The following ITGB1BP2 variants were observed in gnomAD, a reference collection of about 807,000 sequenced individuals.
The protein encoded by ITGB1BP2 is integrin beta-1-binding protein 2.
Under a neutral mutation model 32.2 loss-of-function variants are expected in ITGB1BP2, and 27 were observed. The ratio of observed to expected loss-of-function variants is 0.84; its 90% CI spans 0.62 to 1.16. The LOEUF (loss-of-function observed/expected upper bound fraction) is 1.16, where lower values mean the gene tolerates loss of function less well. Among genes scored for constraint, ITGB1BP2 ranks in the 50% most tolerant of loss-of-function variants. ITGB1BP2 has a pLI of 0.00. For missense variants in ITGB1BP2, 250 were observed against 267.3 expected (o/e 0.94, Z 0.45); for synonymous variants, 105 against 94.7 (o/e 1.11, Z -0.63).
chrX:71,304,891 C>T, intron 10 of ITGB1BP2, 74 bp from the exon 11 acceptor site: 1 of 837,009 alleles, frequency 1.2e-6, no homozygotes, highest in Non-Finnish European at 1.7e-6. Context: ...TCATTTGTCA[C>T]CACTCCACCC....
rs376544356 is a variant in ITGB1BP2 at position 71,302,540 on chromosome X, C to T, written c.301C>T (p.Arg101Cys). Reference protein sequence around the residue: ...NVIPKSAETLRRERPKSELPL... With the variant: ...NVIPKSAETLCRERPKSELPL... ...GATTCCAAAGTCAGCAGAGACCTTG[C>T]GCCGGGAGAGGCCCAAGTAAAGAGG... The change falls in exon 4 of 11, where the codon CGC (arginine) becomes TGC (cysteine). Residue 101 changes from arginine (R) to cysteine (C), a missense_variant. Transcript: ENST00000373829. 10 of 1,205,149 alleles carry T rather than the reference C, an allele frequency of 8.3e-6. No homozygotes were observed. The highest frequency in any genetic ancestry group is 3.5e-5 in the African/African-American group (2 of 56,796).
Position 71,305,039 on chromosome X carries a change from A to G in ITGB1BP2, c.891A>G (p.Pro297=), listed in dbSNP as rs12855638. ...AAATCTCCCTGGTCAAGGCTGACCC[A>G]GGATCCTGGGCCCAGCTGGAGCACC... The part of the protein sequence containing the change: ...RVEISLVKAD[P]GSWAQLEHPD... The change falls in exon 11 of 11, where the codon CCA becomes CCG. Residue 297 remains proline (P), a synonymous_variant. Coordinates refer to ENST00000373829, the MANE Select transcript of ITGB1BP2 (RefSeq NM_012278.4). 1 of 1,209,612 alleles carries G rather than the reference A, an allele frequency of 8.3e-7. No homozygotes were observed. The highest frequency in any genetic ancestry group is 2.2e-5 in the Admixed American group (1 of 45,585).
chrX:71,305,146 T>C lies in ITGB1BP2; in HGVS notation c.998T>C (p.Leu333Pro). ...EEESDDSDDD[L>P]SWTEEEEEEE... ...GAATCTGACGATTCAGATGATGATC[T>C]GAGCTGGACAGAGGAGGAGGAAGAG... The change falls in exon 11 of 11, where the codon CTG becomes CCG. Residue 333 changes from leucine (L) to proline (P), a missense_variant. Leu to Pro is a moderately conservative substitution (Grantham distance 98). Coordinates refer to ENST00000373829, the MANE Select transcript of ITGB1BP2 (RefSeq NM_012278.4). 8.3e-7 allele frequency: 1 copy of C among 1,209,330 alleles called. No homozygotes were observed. Among genetic ancestry groups the C allele is most frequent in the African/African-American group, 1.7e-5 (1 of 57,776 alleles).
At chrX:71,302,675 G>C (rs2031635131) in intron 4 of ITGB1BP2, 119 bp downstream of exon 4, 1 of 800,726 alleles carries the variant, frequency 1.2e-6, no homozygotes, top group Admixed American at 3.8e-5. Context: ...CAGATGTCAG[G>C]GTTTGGATGG....
At chrX:71,304,830 G>A in intron 10 of ITGB1BP2, 135 bp from the exon 11 acceptor site, 1 of 498,823 alleles carries the variant, frequency 2.0e-6, no homozygotes, top group Non-Finnish European at 3.3e-6. Flanking sequence ...CTCCCTTATT[G>A]TCTTATTCCT....
At chrX:71,303,178 T>G (rs1445876549) in intron 4 of ITGB1BP2, 84 bp from the exon 5 acceptor site, 1 of 874,248 alleles carries the variant, frequency 1.1e-6, no homozygotes, top group Non-Finnish European at 1.6e-6. Flanking sequence ...CAGGCTTCTT[T>G]AATTCCATTA....
chrX:71,302,362 C>T, intron 3 of ITGB1BP2, 29 bp downstream of exon 3: 1 of 1,209,541 alleles, frequency 8.3e-7, no homozygotes, highest in Non-Finnish European at 1.1e-6. Flanking sequence ...TGGATTCTGC[C>T]CCCAATAGAA....
chrX:71,304,354 A>G (rs1334485804), intron 9 of ITGB1BP2, 54 bp downstream of exon 9: 12 of 970,947 alleles, frequency 1.2e-5, no homozygotes, highest in South Asian at 2.0e-5. Context: ...TGATACTACA[A>G]TCTCACAGGC....
intron 7 of ITGB1BP2, 43 bp from the exon 8 acceptor site, chrX:71,303,769 A>C: frequency 8.5e-7 from 1 of 1,179,454 alleles, no homozygotes; most frequent in Non-Finnish European, 1.2e-6. Context: ...ATAAGATAAT[A>C]TTGGGGGTGA....
At chrX:71,302,014 C>CTTT in intron 1 of ITGB1BP2, 123 bp from the exon 2 acceptor site, 5 of 729,748 alleles carry the variant, frequency 6.9e-6, no homozygotes, top group Non-Finnish European at 9.5e-6. Context: ...CCTTTGCTGG[C>CTTT]TTTTTTTTTT....
intron 7 of ITGB1BP2, 52 bp from the exon 8 acceptor site, chrX:71,303,760 T>C (rs1287181252): frequency 8.5e-7 from 1 of 1,180,021 alleles, no homozygotes; most frequent in Non-Finnish European, 1.2e-6. Context: ...TATTTGGTCA[T>C]AAGATAATAT....
rs953718370 is a variant in ITGB1BP2 at position 71,302,298 on chromosome X, C to T, written c.136C>T (p.Arg46Ter). ...ALKGWSCCRK[R>*]TVDFSEFLNI... ...TCAGGGTTGGTCCTGCTGCCGAAAG[C>T]GAACTGTAGATTTCTCTGAGTTCTT... The change falls in exon 3 of 11, where the codon CGA (arginine) becomes TGA (stop). Residue 46 changes from arginine to a stop codon, truncating the protein, a stop_gained. Transcript: ENST00000373829. LOFTEE classifies it high-confidence loss of function. 5 of 1,211,056 alleles carry T rather than the reference C, an allele frequency of 4.1e-6. No homozygotes were observed. Among genetic ancestry groups the T allele is most frequent in the South Asian group, 1.8e-5 (1 of 56,936 alleles).
chrX:71,301,765 T>G lies in ITGB1BP2; in HGVS notation c.-42T>G. 8.7e-7 allele frequency: 1 copy of G among 1,151,783 alleles called. No individual in the cohort carries two copies. The highest frequency in any genetic ancestry group is 1.2e-6 in the Non-Finnish European group (1 of 841,887). The allele number at this position is 1,151,783 out of a possible 1,213,427, so 94.9% of individuals were successfully genotyped here. A position where few individuals can be genotyped will look rare whatever the true frequency, so the allele number is the denominator to read the frequency against. ...GGTGTTCCCCATTCGGCAGCCAGAC[T>G]CCTTGAAATACCCTTTCAGTAATCA... On this transcript the variant is annotated 5_prime_UTR_variant, in exon 1 of 11. Transcript: ENST00000373829.
In ITGB1BP2 at chrX:71,304,319, T is replaced by G. The variant is rs910610817; in HGVS notation, c.753+19T>G. 1.4e-5 allele frequency: 16 copies of G among 1,107,685 alleles called. No homozygotes were observed. The highest frequency in any genetic ancestry group is 2.0e-5 in the Non-Finnish European group (16 of 801,203). The allele number at this position is 1,107,685 out of a possible 1,213,427, so 91.3% of individuals were successfully genotyped here. A position where few individuals can be genotyped will look rare whatever the true frequency, so the allele number is the denominator to read the frequency against. ...AACTGAGGTGAGCAATGATCTGATGTTGGATGGGAGGATAGTCAATTGGGT... is the reference window on the plus strand; with the variant it reads ...AACTGAGGTGAGCAATGATCTGATGGTGGATGGGAGGATAGTCAATTGGGT... On this transcript the variant is annotated intron_variant, in intron 9 of 10. Transcript: ENST00000373829.
Position 71,302,278 on chromosome X carries a change from G to C in ITGB1BP2, c.116G>C (p.Gly39Ala). The C allele has an allele frequency of 1.7e-6, 2 of 1,211,247 alleles. No homozygotes were observed. Among genetic ancestry groups the C allele is most frequent in the Non-Finnish European group, 2.2e-6 (2 of 895,348 alleles). The change falls in exon 3 of 11, where the codon GGT becomes GCT. Residue 39 changes from glycine to alanine, a missense_variant and splice_region_variant. Physicochemically the swap from Gly to Ala is moderately conservative, Grantham distance 60. Transcript: ENST00000373829. ...CTGATCTGGGTCTCTTGTTATCAGG[G>C]TTGGTCCTGCTGCCGAAAGCGAACT... The part of the protein sequence containing the change: ...GVPIFHDALK[G>A]WSCCRKRTVD...
Position 71,303,863 on chromosome X carries a change from C to G in ITGB1BP2, c.591C>G (p.Phe197Leu), listed in dbSNP as rs1174456171. ...TCCAGACCCTGGATTTTGGGGCATT[C>G]TTGGCACAACCAGGGTGCAGAGTCG... ...CGIQTLDFGAFLAQPGCRVGR... is the reference protein window; with the variant it reads ...CGIQTLDFGALLAQPGCRVGR... Residue 197 changes from phenylalanine to leucine, a missense_variant, in exon 8 of 11, where the codon TTC becomes TTG. Physicochemically the swap from Phe to Leu is conservative, Grantham distance 22. Coordinates refer to ENST00000373829, the MANE Select transcript of ITGB1BP2 (RefSeq NM_012278.4). The G allele has an allele frequency of 1.7e-6, 2 of 1,209,661 alleles. No individual in the cohort carries two copies. The highest frequency in any genetic ancestry group is 4.4e-5 in the Admixed American group (2 of 45,761).
At chrX:71,304,910 A>AT in intron 10 of ITGB1BP2, 55 bp from the exon 11 acceptor site, 1 of 1,017,972 alleles carries the variant, frequency 9.8e-7, no homozygotes, top group Non-Finnish European at 1.4e-6. Context: ...CCTGACCCCA[A>AT]TGCCTTTGAT....
chrX:71,302,238 A>G, intron 2 of ITGB1BP2, 39 bp from the exon 3 acceptor site: 2 of 1,210,020 alleles, frequency 1.7e-6, no homozygotes, highest in South Asian at 3.5e-5. Flanking sequence ...AAGAGATAAT[A>G]CCCAGGAAGC....
rs776336027 is a variant in ITGB1BP2, at chrX:71,305,108, G to A, written c.960G>A (p.Glu320=). Residue 320 remains glutamate (E), a synonymous_variant, in exon 11 of 11, where the codon GAG becomes GAA. Transcript: ENST00000373829. ...AGGCTAGGGCAGGGGTTGTGTTAGA[G>A]ATGGATGAGGAAGAATCTGACGATT... is the stretch of plus-strand genomic sequence containing the variant. ...AKKARAGVVL[E]MDEEESDDSD... 1.8e-5 allele frequency: 22 copies of A among 1,209,192 alleles called. No individual in the cohort carries two copies. In the South Asian group the frequency reaches 3.7e-4, roughly 20 times the overall value.
Sources: gnomAD v4.1 joint callset for allele counts on GRCh38, gnomAD v4.1.1 for gene constraint, MANE v1.5 for transcripts, NCBI Gene and HGNC (gene_info 2026-07-23, HGNC 2026-07-21) for gene names.